Variants in IFT80 observed in about 807,000 individuals in gnomAD.
The protein encoded by IFT80 is intraflagellar transport protein 80 homolog.
Under a neutral mutation model 107.9 loss-of-function variants are expected in IFT80, and 79 were observed. That is an observed-to-expected ratio of 0.73 (90% CI 0.61 to 0.88). The LOEUF (loss-of-function observed/expected upper bound fraction) is 0.88, where lower values mean the gene tolerates loss of function less well. Ranked by LOEUF, IFT80 falls within the 40% of genes least tolerant of loss-of-function variation. The probability of loss-of-function intolerance (pLI) is 0.00; values close to 1 mark genes in which losing one functional copy is unlikely to be tolerated. For missense variants in IFT80, 797 were observed against 914.2 expected (o/e 0.87, Z 1.65); for synonymous variants, 299 against 300.9 (o/e 0.99, Z 0.07).
intron 3 of IFT80, among the ~76,000 whole-genome samples, chr3:160,379,475 T>C (rs1046514253): frequency 1.3e-5 from 2 of 152,192 alleles, no homozygotes; most frequent in Admixed American, 1.3e-4. Flanking sequence ...AAATTCTTAT[T>C]CTTAGGAAAT....
At chr3:160,278,368 T>A (rs1184846355) in intron 16 of IFT80, among the ~76,000 whole-genome samples, 1 of 152,214 alleles carries the variant, frequency 6.6e-6, no homozygotes, top group Non-Finnish European at 1.5e-5. Flanking sequence ...ATAATAAGAT[T>A]AGGGTGGGGC....
At chr3:160,378,963 T>C (rs1295425012) in intron 3 of IFT80, among the ~76,000 whole-genome samples, 1 of 152,114 alleles carries the variant, frequency 6.6e-6, no homozygotes, top group African/African-American at 2.4e-5. Flanking sequence ...GGGAGGCAGT[T>C]TGATGAAGAA....
Position 160,382,691 on chromosome 3 carries a change from G to T in IFT80, c.38-967C>A, listed in dbSNP as rs956899442. On this transcript the variant is annotated intron_variant, in intron 2 of 19. Coordinates refer to ENST00000326448, the MANE Select transcript of IFT80 (RefSeq NM_020800.3). Reference sequence around the variant, plus strand: ...TTGAGTTGTTTGTTCTTATTGTTATGATATAATCCTTTTATTTCCTTCTTT... The same window carrying T: ...TTGAGTTGTTTGTTCTTATTGTTATTATATAATCCTTTTATTTCCTTCTTT... Among the ~76,000 whole-genome samples the T allele has an allele frequency of 3.3e-5, 5 of 152,212 alleles. No individual in the cohort carries two copies. The East Asian group carries it at 9.6e-4, about 29-fold the overall frequency.
intron 1 of IFT80, among the ~76,000 whole-genome samples, chr3:160,385,438 T>C (rs1323301697): frequency 6.6e-6 from 1 of 152,192 alleles, no homozygotes; most frequent in Non-Finnish European, 1.5e-5. Context: ...AATGAAAGTG[T>C]AATTAAAGGG....
intron 13 of IFT80, among the ~76,000 whole-genome samples, chr3:160,283,090 A>G (rs1714817088): frequency 6.6e-6 from 1 of 152,176 alleles, no homozygotes; most frequent in Admixed American, 6.5e-5. Flanking sequence ...CATTCTTGCA[A>G]AATAGGAAAC....
At chr3:160,336,615 A>G (rs1234373123) in intron 8 of IFT80, among the ~76,000 whole-genome samples, 2 of 151,782 alleles carry the variant, frequency 1.3e-5, no homozygotes, top group African/African-American at 4.8e-5. Context: ...GTGTATCCAT[A>G]GCAATATGTC....
chr3:160,336,948 A>T (rs1247319064), intron 8 of IFT80, among the ~76,000 whole-genome samples: 2 of 152,206 alleles, frequency 1.3e-5, no homozygotes, highest in African/African-American at 4.8e-5. Context: ...AGCAATATGA[A>T]AATTAAAAGA....
intron 11 of IFT80, among the ~76,000 whole-genome samples, chr3:160,303,614 T>C (rs1332473507): frequency 1.3e-5 from 2 of 152,200 alleles, no homozygotes; most frequent in East Asian, 3.8e-4. Flanking sequence ...TCTCATCCCT[T>C]AAAATAAATA....
intron 1 of IFT80, among the ~76,000 whole-genome samples, chr3:160,394,780 T>G (rs1397774243): frequency 3.3e-5 from 5 of 151,808 alleles, no homozygotes; most frequent in Non-Finnish European, 7.4e-5. Context: ...ATTTTAAAAA[T>G]GAGATGAATT....
intron 8 of IFT80, 75 bp downstream of exon 8, chr3:160,355,938 G>T: frequency 6.6e-7 from 1 of 1,525,200 alleles, no homozygotes. Context: ...GTTTTTTAAA[G>T]ACTGAGAACC....
At chr3:160,277,824 T>G (rs555610429) in intron 16 of IFT80, among the ~76,000 whole-genome samples, 154 bp from the exon 17 acceptor site, 1 of 152,214 alleles carries the variant, frequency 6.6e-6, no homozygotes, top group African/African-American at 2.4e-5. Flanking sequence ...TGTGGGAATT[T>G]CATTGTGGCC....
intron 12 of IFT80, among the ~76,000 whole-genome samples, chr3:160,300,107 C>T (rs1716303729): frequency 6.6e-6 from 1 of 152,112 alleles, no homozygotes; most frequent in African/African-American, 2.4e-5. Context: ...TCTGTCATTC[C>T]CCTGCTCCAC....
At chr3:160,370,252 G>T (rs753240665) in intron 5 of IFT80, among the ~76,000 whole-genome samples, 1 of 152,098 alleles carries the variant, frequency 6.6e-6, no homozygotes. Context: ...TATATTGAGT[G>T]AATAGAAGTA....
Position 160,277,616 on chromosome 3 carries a change from T to A in IFT80, c.1891A>T (p.Thr631Ser). The change falls in exon 17 of 20, where the codon ACT becomes TCT. Residue 631 changes from threonine to serine, a missense_variant. Coordinates refer to ENST00000326448, the MANE Select transcript of IFT80 (RefSeq NM_020800.3). ...GCTGCATAGGCTATTTCTGCAGTAG[T>A]CATATCTCGATTAGCAACTGCCATA... The part of the protein sequence containing the change: ...AAMAVANRDM[T>S]TAEIAYAAIG... 1.5e-5 allele frequency: 24 copies of A among 1,613,706 alleles called. No individual in the cohort carries two copies. The highest frequency in any genetic ancestry group is 2.0e-5 in the Non-Finnish European group (24 of 1,179,726).
chr3:160,258,285 GGTATC>G lies in IFT80; in HGVS notation c.*235_*239del, dbSNP rs1198628777. On this transcript the variant is annotated 3_prime_UTR_variant, in exon 20 of 20. Coordinates refer to ENST00000326448, the MANE Select transcript of IFT80 (RefSeq NM_020800.3). ...ACTGACATATAATCGACACTACACA[GGTATC>G]TCTTAAGTACATAGTAATATTTTGC... 2.2e-5 allele frequency: 12 copies of G among 553,124 alleles called. No homozygotes were observed. In the East Asian group the frequency reaches 3.9e-4, roughly 18 times the overall value. 34.3% of individuals were successfully genotyped at this position (553,124 alleles called of 1,614,324 possible).
At chr3:160,293,862 T>C (rs1376734600) in intron 12 of IFT80, among the ~76,000 whole-genome samples, 1 of 152,158 alleles carries the variant, frequency 6.6e-6, no homozygotes, top group East Asian at 1.9e-4. Flanking sequence ...CATGCCTAAT[T>C]AATCATGTAA....
At chr3:160,310,647 C>T (rs1717170712) in intron 9 of IFT80, among the ~76,000 whole-genome samples, 2 of 148,044 alleles carry the variant, frequency 1.4e-5, no homozygotes, top group South Asian at 4.2e-4. Context: ...AGGTACAAAA[C>T]CCAGTGGGAA....
intron 8 of IFT80, among the ~76,000 whole-genome samples, chr3:160,339,832 A>C (rs1719756965): frequency 6.6e-6 from 1 of 152,236 alleles, no homozygotes; most frequent in Admixed American, 6.5e-5. Flanking sequence ...ACTGAACATG[A>C]ACATAACAAT....
chr3:160,373,016 T>C (rs564558040), intron 5 of IFT80, among the ~76,000 whole-genome samples: 9 of 152,112 alleles, frequency 5.9e-5, no homozygotes, highest in Non-Finnish European at 1.3e-4. Context: ...GTAAGTGAAA[T>C]TTTTATGGCA....
Sources: gnomAD v4.1 joint callset for allele counts (sites outside exome capture counted in the v4.1 genomes callset) on GRCh38, gnomAD v4.1.1 for gene constraint, MANE v1.5 for transcripts, NCBI Gene and HGNC (gene_info 2026-07-23, HGNC 2026-07-21) for gene names.